TMEM161A: variants seen among roughly 807,000 people sequenced by gnomAD.
TMEM161A encodes the protein adaptive response to oxidative stress protein 29.
Under a neutral mutation model 57.1 loss-of-function variants are expected in TMEM161A, and 46 were observed. That is an observed-to-expected ratio of 0.81 (90% confidence interval 0.64 to 1.03). The LOEUF is 1.03. Among genes scored for constraint, TMEM161A ranks in the 50% least tolerant of loss-of-function variants. TMEM161A has a pLI of 0.00. For synonymous variants in TMEM161A, 288 were observed against 279.0 expected (o/e 1.03, Z -0.32); for missense variants, 601 against 621.5 (o/e 0.97, Z 0.35).
Position 19,130,314 on chromosome 19 carries a change from G to T in TMEM161A, c.444-7C>A. On this transcript the variant is annotated splice_polypyrimidine_tract_variant and splice_region_variant and intron_variant, in intron 5 of 11. Transcript: ENST00000162044. ...CACTGTCAGGAACATCTTGCTGGAG[G>T]CTGGAGCTAAGGAGGCCTCAGGTGC... The T allele has an allele frequency of 6.2e-7, 1 of 1,612,422 alleles. No homozygotes were observed.
Position 19,132,762 on chromosome 19 carries a change from G to T in TMEM161A, c.189-8C>A. 6.5e-7 allele frequency: 1 copy of T among 1,527,892 alleles called. No homozygotes were observed. 94.6% of individuals were successfully genotyped at this position (1,527,892 alleles called of 1,614,324 possible). A position where few individuals can be genotyped will look rare whatever the true frequency, so the allele number is the denominator to read the frequency against. On this transcript the variant is annotated splice_region_variant and splice_polypyrimidine_tract_variant and intron_variant, in intron 3 of 11. Transcript: ENST00000162044. This position sits in a 1 kb window ranked among gnomAD's most constrained non-coding sequence, Gnocchi z 4.3. The stretch of plus-strand genomic sequence containing the variant: ...CTAAGGCCATTGGCCCACCTGGGAG[G>T]ATGGTGACAAGCAAGAGGGACGGTG...
At chr19:19,127,717 G>T (rs959925671) in intron 6 of TMEM161A, among the ~76,000 whole-genome samples, 1 of 151,794 alleles carries the variant, frequency 6.6e-6, no homozygotes, top group African/African-American at 2.4e-5. Flanking sequence ...ACTGCTCGAG[G>T]CCAGGAGTTT....
Position 19,120,863 on chromosome 19 carries a change from T to A in TMEM161A, c.1090-2A>T, listed in dbSNP as rs201724479. 1 of 1,613,274 alleles carries A rather than the reference T, an allele frequency of 6.2e-7. No homozygotes were observed. The highest frequency in any genetic ancestry group is 8.5e-7 in the Non-Finnish European group (1 of 1,179,980). ...CACATAGCAGTAGACTCGGACCACCTGTGGGCAGGTAGCAGGGGTGGCTGC... is the reference window on the plus strand; with the variant it reads ...CACATAGCAGTAGACTCGGACCACCAGTGGGCAGGTAGCAGGGGTGGCTGC... On this transcript the variant is annotated splice_acceptor_variant, in intron 10 of 11. Transcript: ENST00000162044. LOFTEE classifies it high-confidence loss of function.
chr19:19,134,551 A>G (rs759607511), intron 2 of TMEM161A, among the ~76,000 whole-genome samples: 2 of 152,156 alleles, frequency 1.3e-5, no homozygotes, highest in Non-Finnish European at 2.9e-5. Context: ...GCAGTGAGCT[A>G]TGATCAGGTC....
intron 1 of TMEM161A, among the ~76,000 whole-genome samples, chr19:19,137,009 C>G (rs2059987999): frequency 7.1e-6 from 1 of 141,178 alleles, no homozygotes; most frequent in South Asian, 2.4e-4. Flanking sequence ...AGGGTTTTAA[C>G]CACCCAATCA....
intron 6 of TMEM161A, among the ~76,000 whole-genome samples, chr19:19,122,766 C>CAAAAAAAAAAAAAAAA (rs1172853044): frequency 8.5e-6 from 1 of 117,962 alleles, no homozygotes. Context: ...AAGACCTTGT[C>CAAAAAAAAAAAAAAAA]AAAAAAAAAA....
Position 19,133,162 on chromosome 19 carries a change from C to T in TMEM161A, c.156G>A (p.Ala52=), listed in dbSNP as rs768590793. 2.2e-5 allele frequency: 36 copies of T among 1,614,048 alleles called. No homozygotes were observed. The Admixed American group carries it at 3.0e-4, about 13-fold the overall frequency. Residue 52 remains alanine, a synonymous_variant, in exon 3 of 12, where the codon GCG becomes GCA. Coordinates refer to ENST00000162044, the MANE Select transcript of TMEM161A (RefSeq NM_017814.3). ...HPSEEELRAL[A]GKPRPRGRKE... is the part of the protein sequence containing the mutation. Reference sequence around the variant, plus strand: ...TCCTGCCTCTGGGCCTCGGCTTCCCCGCCAGGGCCCGAAGCTCCTCCTCAG... The same window carrying T: ...TCCTGCCTCTGGGCCTCGGCTTCCCTGCCAGGGCCCGAAGCTCCTCCTCAG...
intron 2 of TMEM161A, 128 bp downstream of exon 2, chr19:19,134,656 T>A: frequency 1.6e-6 from 1 of 644,918 alleles, no homozygotes; most frequent in South Asian, 1.9e-5. Context: ...CAATTACACC[T>A]CAACAACGTT....
chr19:19,133,150 C>A lies in TMEM161A; in HGVS notation c.168G>T (p.Arg56Ser), dbSNP rs926475445. ...EELRALAGKP[R>S]PRGRKERWAN... ...CTCACCGCTCTTTCCTGCCTCTGGG[C>A]CTCGGCTTCCCCGCCAGGGCCCGAA... Residue 56 changes from arginine (R) to serine (S), a missense_variant, in exon 3 of 12, where the codon AGG (arginine) becomes AGT (serine). Coordinates refer to ENST00000162044, the MANE Select transcript of TMEM161A (RefSeq NM_017814.3). 4 of 1,614,118 alleles carry A rather than the reference C, an allele frequency of 2.5e-6. No homozygotes were observed. The highest frequency in any genetic ancestry group is 3.4e-6 in the Non-Finnish European group (4 of 1,179,986).
intron 5 of TMEM161A, among the ~76,000 whole-genome samples, chr19:19,131,904 G>A (rs1308581442): frequency 4.6e-5 from 7 of 151,786 alleles, no homozygotes; most frequent in South Asian, 2.1e-4. Flanking sequence ...CAGGTGATCC[G>A]CCTGCCTCAG....
chr19:19,134,897 G>A lies in TMEM161A; in HGVS notation c.4-10C>T, dbSNP rs1223174615. The A allele has an allele frequency of 1.9e-6, 3 of 1,567,642 alleles. No homozygotes were observed. In the East Asian group the frequency reaches 7.1e-5, roughly 37 times the overall value. On this transcript the variant is annotated splice_polypyrimidine_tract_variant and intron_variant, in intron 1 of 11. Transcript: ENST00000162044. Reference sequence around the variant, plus strand: ...GTACTCCGAGGACCGCCTGGGGGGAGGGGACATGACTGGCAGCACCTGCCA... The same window carrying A: ...GTACTCCGAGGACCGCCTGGGGGGAAGGGACATGACTGGCAGCACCTGCCA...
rs773850257 is a variant in TMEM161A, at chr19:19,133,163, G to A, written c.155C>T (p.Ala52Val). The part of the protein sequence containing the change: ...HPSEEELRAL[A>V]GKPRPRGRKE... The stretch of plus-strand genomic sequence containing the variant: ...CCTGCCTCTGGGCCTCGGCTTCCCC[G>A]CCAGGGCCCGAAGCTCCTCCTCAGA... The change falls in exon 3 of 12, where the codon GCG becomes GTG. Residue 52 changes from alanine (A) to valine (V), a missense_variant. Ala to Val is a moderately conservative substitution (Grantham distance 64, BLOSUM62 0). Transcript: ENST00000162044. 5.5e-5 allele frequency: 88 copies of A among 1,614,006 alleles called. No homozygotes were observed. The highest frequency in any genetic ancestry group is 6.2e-5 in the Non-Finnish European group (73 of 1,180,004).
At chr19:19,134,922 AGAGG>A in intron 1 of TMEM161A, 35 bp from the exon 2 acceptor site, 2 of 1,461,734 alleles carry the variant, frequency 1.4e-6, no homozygotes, top group Non-Finnish European at 1.9e-6. Context: ...AGCACCTGCC[AGAGG>A]GTCACAAGTT....
In TMEM161A at chr19:19,120,755, G is replaced by A. The variant is rs1253968617; in HGVS notation, c.1186+10C>T. On this transcript the variant is annotated intron_variant, in intron 11 of 11. Coordinates refer to ENST00000162044, the MANE Select transcript of TMEM161A (RefSeq NM_017814.3). The stretch of plus-strand genomic sequence containing the variant: ...CGCCCCTCCTCCACCCCCACACCGC[G>A]GCATCTCACCCAGCGTCTTGAGCAG... 3 of 1,604,200 alleles carry A rather than the reference G, an allele frequency of 1.9e-6. No homozygotes were observed. Among genetic ancestry groups the A allele is most frequent in the Non-Finnish European group, 1.7e-6 (2 of 1,174,736 alleles).
intron 11 of TMEM161A, 76 bp downstream of exon 11, chr19:19,120,689 C>G: frequency 7.1e-7 from 1 of 1,412,282 alleles, no homozygotes; most frequent in Non-Finnish European, 9.9e-7. Context: ...CACCGCGGTC[C>G]CCGCCAGAGT....
rs779716828 is a variant in TMEM161A at position 19,130,349 on chromosome 19, A to C, written c.444-42T>G. On this transcript the variant is annotated intron_variant, in intron 5 of 11. Coordinates refer to ENST00000162044, the MANE Select transcript of TMEM161A (RefSeq NM_017814.3). The stretch of plus-strand genomic sequence containing the variant: ...AGGAGGCCTCAGGTGCCACTGCCCC[A>C]CTCTGCCCATTTCACCACACTCCGT... The C allele has an allele frequency of 3.1e-6, 5 of 1,607,328 alleles. No homozygotes were observed. In the Admixed American group the frequency reaches 8.3e-5, roughly 27 times the overall value.
Position 19,134,808 on chromosome 19 carries a change from G to C in TMEM161A, c.83C>G (p.Ala28Gly). ...CCTGCCGTTACAGAGCAGCCAGCGCGCGAAGGAGCAGTGTGGCGCCAGCCT... is the reference window on the plus strand; with the variant it reads ...CCTGCCGTTACAGAGCAGCCAGCGCCCGAAGGAGCAGTGTGGCGCCAGCCT... ...MHRLAPHCSF[A>G]RWLLCNGSLF... is the part of the protein sequence containing the mutation. Residue 28 changes from alanine (A) to glycine (G), a missense_variant, in exon 2 of 12, where the codon GCG becomes GGG. By Grantham distance (60) the Ala-to-Gly change is moderately conservative. Coordinates refer to ENST00000162044, the MANE Select transcript of TMEM161A (RefSeq NM_017814.3). The C allele has an allele frequency of 6.3e-7, 1 of 1,587,886 alleles. No individual in the cohort carries two copies. Among genetic ancestry groups the C allele is most frequent in the Non-Finnish European group, 8.6e-7 (1 of 1,168,702 alleles).
At chr19:19,127,858 T>G (rs987687693) in intron 6 of TMEM161A, among the ~76,000 whole-genome samples, 2 of 152,028 alleles carry the variant, frequency 1.3e-5, no homozygotes, top group Admixed American at 6.6e-5. Flanking sequence ...GAGGATCACT[T>G]GAGCCCTGGA....
intron 1 of TMEM161A, among the ~76,000 whole-genome samples, chr19:19,136,977 G>C (rs749975125): frequency 9.1e-6 from 1 of 110,328 alleles, no homozygotes; most frequent in Non-Finnish European, 1.7e-5. Context: ...CTCTCTCTCC[G>C]ACCTCTCTCC....
Sources: gnomAD v4.1 joint callset for allele counts (sites outside exome capture counted in the v4.1 genomes callset) on GRCh38, gnomAD v4.1.1 for gene constraint, Gnocchi (gnomAD v3.1) non-coding constraint, MANE v1.5 for transcripts, NCBI Gene and HGNC (gene_info 2026-07-23, HGNC 2026-07-21) for gene names.